The following MLLT10 variants were observed in gnomAD, a reference collection of about 807,000 sequenced individuals.
The protein encoded by MLLT10 is MLLT10 histone lysine methyltransferase DOT1L cofactor.
Under a neutral mutation model 129.1 loss-of-function variants are expected in MLLT10, and 30 were observed. The ratio of observed to expected loss-of-function variants is 0.23; its 90% CI spans 0.17 to 0.32. The LOEUF is 0.32. Among genes scored for constraint, MLLT10 ranks in the 10% least tolerant of loss-of-function variants. The pLI, the probability that MLLT10 is intolerant of heterozygous loss-of-function variation, is 1.00. For missense variants in MLLT10, 1,119 were observed against 1,268.3 expected, an observed-to-expected ratio of 0.88 and a Z score of 1.79; for synonymous variants, 490 against 446.4, an observed-to-expected ratio of 1.10 and a Z score of -1.23.
chr10:21,564,828 A>G (rs1328150495), intron 3 of MLLT10, among the ~76,000 whole-genome samples: 2 of 151,644 alleles, frequency 1.3e-5, no homozygotes, highest in Non-Finnish European at 3.0e-5. Flanking sequence ...CCATCTCAAA[A>G]AAAAAAAAAA....
chr10:21,582,097 T>A (rs1231274092), intron 3 of MLLT10, among the ~76,000 whole-genome samples: 1 of 152,070 alleles, frequency 6.6e-6, no homozygotes, highest in African/African-American at 2.4e-5. Flanking sequence ...GCTTTTCTTA[T>A]AGTACATTGT....
intron 8 of MLLT10, among the ~76,000 whole-genome samples, chr10:21,618,811 C>T (rs916981615): frequency 6.6e-6 from 1 of 151,890 alleles, no homozygotes; most frequent in African/African-American, 2.4e-5. Flanking sequence ...CGTGTTATTG[C>T]AACCTCTGCT....
At chr10:21,556,537 C>A in intron 3 of MLLT10, 1 of 773,144 alleles carries the variant, frequency 1.3e-6, no homozygotes, top group Non-Finnish European at 2.0e-6. Flanking sequence ...AGATTTCTTC[C>A]ATTTACCCTC....
At chr10:21,702,755 G>T (rs2131476501) in intron 13 of MLLT10, among the ~76,000 whole-genome samples, 1 of 151,664 alleles carries the variant, frequency 6.6e-6, no homozygotes, top group East Asian at 1.9e-4. Context: ...CTTACTTCCT[G>T]TGGTTTCCCT....
intron 5 of MLLT10, among the ~76,000 whole-genome samples, chr10:21,609,948 A>G (rs1433644450): frequency 6.6e-6 from 1 of 152,166 alleles, no homozygotes; most frequent in Non-Finnish European, 1.5e-5. Flanking sequence ...AACCTTAAGC[A>G]TGAACTCTAA....
intron 9 of MLLT10, among the ~76,000 whole-genome samples, chr10:21,654,714 G>A (rs1221019479): frequency 1.3e-5 from 2 of 152,188 alleles, no homozygotes; most frequent in African/African-American, 4.8e-5. Context: ...ACAGAGTAGG[G>A]TTTGGTCAGG....
intron 3 of MLLT10, among the ~76,000 whole-genome samples, chr10:21,573,078 A>G (rs1318045026): frequency 6.6e-6 from 1 of 152,128 alleles, no homozygotes; most frequent in Non-Finnish European, 1.5e-5. Flanking sequence ...TATTAATTCT[A>G]CTAGTTTTTT....
chr10:21,642,410 A>G (rs1416691379), intron 8 of MLLT10, among the ~76,000 whole-genome samples: 1 of 151,892 alleles, frequency 6.6e-6, no homozygotes, highest in Admixed American at 6.6e-5. Context: ...TAATCCCAGC[A>G]CTTTGGGAGG....
chr10:21,726,166 A>G, intron 14 of MLLT10, 78 bp from the exon 15 acceptor site: 1 of 940,014 alleles, frequency 1.1e-6, no homozygotes, highest in Non-Finnish European at 1.6e-6. Flanking sequence ...GAATATAATT[A>G]CTAGATCTAT....
chr10:21,708,182 A>T (rs1206608889), intron 13 of MLLT10, among the ~76,000 whole-genome samples: 2 of 152,206 alleles, frequency 1.3e-5, no homozygotes, highest in African/African-American at 4.8e-5. Flanking sequence ...GAAGGAAGGA[A>T]GGAAGGGAAG....
rs12246648 is a variant in MLLT10, at chr10:21,565,297, T to A, written c.241-20997T>A. On this transcript the variant is annotated intron_variant, in intron 3 of 22. Transcript: ENST00000307729. Reference sequence around the variant, plus strand: ...TCTTGTACACAAAATAGTGTTAGGTTATGTTTTCTTTGTTTTTTGTGTTTG... The same window carrying A: ...TCTTGTACACAAAATAGTGTTAGGTAATGTTTTCTTTGTTTTTTGTGTTTG... Among the ~76,000 whole-genome samples, 1,027 of 152,222 alleles carry A rather than the reference T, an allele frequency of 6.7e-3. 18 individuals are homozygous for A. Among genetic ancestry groups the A allele is most frequent in the African/African-American group, 0.023 (942 of 41,542 alleles).
Position 21,534,280 on chromosome 10 carries a change from C to G in MLLT10, c.-241C>G, listed in dbSNP as rs1190004842. 1 of 395,920 alleles carries G rather than the reference C, an allele frequency of 2.5e-6. No individual in the cohort carries two copies. The highest frequency in any genetic ancestry group is 4.5e-6 in the Non-Finnish European group (1 of 223,566). 24.5% of individuals were successfully genotyped at this position (395,920 alleles called of 1,614,324 possible). On this transcript the variant is annotated 5_prime_UTR_variant, in exon 1 of 23. Transcript: ENST00000307729. ...GGAGGAAGCGCAGCCCCCTTCCCCT[C>G]CCTCGCTGCCCCTGGCCCAGCGGGA...
chr10:21,675,711 C>T (rs1025396914), intron 11 of MLLT10, among the ~76,000 whole-genome samples: 2 of 152,074 alleles, frequency 1.3e-5, no homozygotes, highest in African/African-American at 4.8e-5. Context: ...CACATGAGTA[C>T]CTTACTGAGA....
chr10:21,737,276 G>C (rs1326209122), intron 21 of MLLT10, among the ~76,000 whole-genome samples: 2 of 152,096 alleles, frequency 1.3e-5, no homozygotes, highest in Non-Finnish European at 2.9e-5. Flanking sequence ...GGTTCAAAAG[G>C]AAATGGGAGG....
chr10:21,626,041 A>G lies in MLLT10; in HGVS notation c.699+8834A>G, dbSNP rs139492032. ...CTGTGGTTACATTCAGAGTATAATC[A>G]TTTCTCTCAAGCAAGGCCTTGATCT... On this transcript the variant is annotated intron_variant, in intron 8 of 22. Coordinates refer to ENST00000307729, the MANE Select transcript of MLLT10 (RefSeq NM_001195626.3). 11,707 of 1,351,806 alleles carry G rather than the reference A, an allele frequency of 8.7e-3. 79 individuals carry two copies. The highest frequency in any genetic ancestry group is 0.011 in the Non-Finnish European group (10,465 of 941,052). 83.7% of individuals were successfully genotyped at this position (1,351,806 alleles called of 1,614,324 possible).
chr10:21,626,095 T>G, intron 8 of MLLT10: 1 of 1,606,960 alleles, frequency 6.2e-7, no homozygotes, highest in African/African-American at 1.3e-5. Context: ...TTGTGGACTC[T>G]TGCACCTAGC....
At chr10:21,704,026 T>TG (rs992081355) in intron 13 of MLLT10, among the ~76,000 whole-genome samples, 37 of 137,024 alleles carry the variant, frequency 2.7e-4, no homozygotes, top group African/African-American at 9.2e-4. Flanking sequence ...GTTTTTTTTT[T>TG]TTTTTTTTTT....
At chr10:21,558,880 A>G (rs190682343) in intron 3 of MLLT10, among the ~76,000 whole-genome samples, 1 of 152,232 alleles carries the variant, frequency 6.6e-6, no homozygotes, top group East Asian at 1.9e-4. Context: ...CTATAGCTTC[A>G]TATTAATAAT....
intron 13 of MLLT10, among the ~76,000 whole-genome samples, chr10:21,693,100 T>G (rs1171780174): frequency 6.6e-6 from 1 of 152,182 alleles, no homozygotes; most frequent in Non-Finnish European, 1.5e-5. Context: ...GCCTCATCTC[T>G]TAGCTGAAGT....
Sources: allele counts gnomAD v4.1 joint callset (sites outside exome capture counted in the v4.1 genomes callset), GRCh38; gene constraint gnomAD v4.1.1; transcripts MANE v1.5; gene names NCBI Gene and HGNC (gene_info 2026-07-23, HGNC 2026-07-21).